The following IL1RAPL1 variants were observed in gnomAD, a reference collection of about 807,000 sequenced individuals.
The protein encoded by IL1RAPL1 is interleukin 1 receptor accessory protein like 1.
In IL1RAPL1, 3 loss-of-function variants were observed where a neutral mutation model predicts 48.4. The ratio of observed to expected loss-of-function variants is 0.06; its 90% CI spans 0.03 to 0.16. IL1RAPL1 has a LOEUF of 0.16. Ranked by LOEUF, IL1RAPL1 falls within the 10% of genes least tolerant of loss-of-function variation. The pLI is 1.00. For missense variants in IL1RAPL1, 349 were observed against 530.6 expected, an observed-to-expected ratio of 0.66 and a Z score of 3.36; for synonymous variants, 185 against 187.7, an observed-to-expected ratio of 0.99 and a Z score of 0.12.
intron 6 of IL1RAPL1, among the ~76,000 whole-genome samples, chrX:29,797,241 G>T (rs1464609616): frequency 8.9e-6 from 1 of 112,354 alleles, no homozygotes; most frequent in Non-Finnish European, 1.9e-5. Flanking sequence ...CATGGCAGGA[G>T]CCCAATGTGT....
intron 1 of IL1RAPL1, among the ~76,000 whole-genome samples, chrX:28,621,280 T>C (rs1418092891): frequency 8.9e-6 from 1 of 112,501 alleles, no homozygotes; most frequent in Admixed American, 9.5e-5. Context: ...ACAGGCTACA[T>C]AGATAATTGC....
chrX:29,835,869 T>G (rs1930982932), intron 6 of IL1RAPL1, among the ~76,000 whole-genome samples: 1 of 102,740 alleles, frequency 9.7e-6, no homozygotes, highest in Non-Finnish European at 1.9e-5. Flanking sequence ...TGATTTTATT[T>G]GAGTCTTCTT....
intron 2 of IL1RAPL1, among the ~76,000 whole-genome samples, chrX:29,057,364 G>A (rs1431482741): frequency 9.0e-6 from 1 of 111,198 alleles, no homozygotes; most frequent in African/African-American, 3.3e-5. Flanking sequence ...TTAACCCAGA[G>A]TCTTGGGAGT....
At chrX:29,868,211 T>C (rs1431690775) in intron 6 of IL1RAPL1, among the ~76,000 whole-genome samples, 1 of 112,417 alleles carries the variant, frequency 8.9e-6, no homozygotes, top group Non-Finnish European at 1.9e-5. Flanking sequence ...GGAAGTTTAA[T>C]TTTCATCTTA....
chrX:29,236,078 G>C (rs753366390), intron 2 of IL1RAPL1, among the ~76,000 whole-genome samples: 3 of 112,454 alleles, frequency 2.7e-5, no homozygotes, highest in Non-Finnish European at 3.8e-5. Flanking sequence ...CAATTTTATA[G>C]AGAATACAGT....
At chrX:28,637,204 T>A (rs1002351109) in intron 1 of IL1RAPL1, among the ~76,000 whole-genome samples, 4 of 111,322 alleles carry the variant, frequency 3.6e-5, no homozygotes, top group Non-Finnish European at 7.5e-5. Flanking sequence ...CTGGTGTCTT[T>A]CATTTCTTAT....
chrX:29,348,965 C>T (rs1269030845), intron 3 of IL1RAPL1, among the ~76,000 whole-genome samples: 1 of 111,777 alleles, frequency 8.9e-6, no homozygotes, highest in Non-Finnish European at 1.9e-5. Context: ...AAACCCGTGG[C>T]CCCCTGGAGG....
At chrX:29,405,021 C>T (rs1007114439) in intron 5 of IL1RAPL1, among the ~76,000 whole-genome samples, 6 of 110,187 alleles carry the variant, frequency 5.4e-5, no homozygotes, top group African/African-American at 2.0e-4. Context: ...TCAAGTAATT[C>T]TCCTGCCTCA....
At chrX:29,158,884 CTCTT>C (rs1165088233) in intron 2 of IL1RAPL1, among the ~76,000 whole-genome samples, 4 of 98,515 alleles carry the variant, frequency 4.1e-5, no homozygotes, top group Non-Finnish European at 7.9e-5. Flanking sequence ...GATAAACAAC[CTCTT>C]TCTTTTCTTT....
chrX:29,512,108 T>G (rs1018014139), intron 5 of IL1RAPL1, among the ~76,000 whole-genome samples: 13 of 110,412 alleles, frequency 1.2e-4, no homozygotes, highest in African/African-American at 4.0e-4. Context: ...ATATATATAA[T>G]CTCTCTTTCT....
At chrX:29,743,146 T>G (rs909084342) in intron 6 of IL1RAPL1, among the ~76,000 whole-genome samples, 19 of 108,436 alleles carry the variant, frequency 1.8e-4, no homozygotes, top group Non-Finnish European at 3.2e-4. Context: ...TATTTACAAA[T>G]TATATATTAA....
At chrX:29,243,756 T>G (rs1931462819) in intron 2 of IL1RAPL1, among the ~76,000 whole-genome samples, 1 of 111,878 alleles carries the variant, frequency 8.9e-6, no homozygotes, top group Non-Finnish European at 1.9e-5. Context: ...CTACCTAGGA[T>G]CTGGAGCCTT....
Position 29,955,205 on chromosome X carries a change from G to A in IL1RAPL1, c.1476G>A (p.Leu492=). ...GAAGGGGCTGGAGCATCTTTGAGCT[G>A]GAAACCAGACTTCGAAATATGCTTG... ...VVRRGWSIFE[L]ETRLRNMLVT... Residue 492 remains leucine (L), a synonymous_variant, in exon 11 of 11, where the codon CTG becomes CTA. Transcript: ENST00000378993. 8.3e-7 allele frequency: 1 copy of A among 1,210,893 alleles called. No homozygotes were observed. The highest frequency in any genetic ancestry group is 1.1e-6 in the Non-Finnish European group (1 of 894,895).
chrX:29,538,597 C>A (rs1383962998), intron 5 of IL1RAPL1, among the ~76,000 whole-genome samples: 1 of 107,840 alleles, frequency 9.3e-6, no homozygotes, highest in Non-Finnish European at 1.9e-5. Flanking sequence ...CTCGGCCTCC[C>A]AAAGTGCTAG....
intron 5 of IL1RAPL1, among the ~76,000 whole-genome samples, chrX:29,599,738 T>C (rs184619484): frequency 7.7e-4 from 86 of 112,286 alleles, no homozygotes; most frequent in African/African-American, 2.8e-3. Context: ...TCTTTGTCTT[T>C]GATGGATTGG....
chrX:29,708,267 A>G (rs939563889), intron 6 of IL1RAPL1, among the ~76,000 whole-genome samples: 3 of 111,700 alleles, frequency 2.7e-5, no homozygotes, highest in Admixed American at 1.9e-4. Context: ...AACATTAAAA[A>G]TCTATTCCGT....
intron 2 of IL1RAPL1, among the ~76,000 whole-genome samples, chrX:28,933,248 C>T (rs1318174114): frequency 9.0e-6 from 1 of 111,054 alleles, no homozygotes; most frequent in Non-Finnish European, 1.9e-5. Flanking sequence ...CCCCTCAATC[C>T]GTGGGTAGAC....
chrX:28,739,336 T>C (rs1935881422), intron 1 of IL1RAPL1, among the ~76,000 whole-genome samples: 2 of 110,620 alleles, frequency 1.8e-5, no homozygotes, highest in Non-Finnish European at 3.8e-5. Flanking sequence ...TGCTTTACTC[T>C]TTTGATGTCT....
intron 2 of IL1RAPL1, among the ~76,000 whole-genome samples, chrX:29,044,266 A>C (rs1363929874): frequency 5.5e-5 from 6 of 109,957 alleles, no homozygotes. Context: ...ACCCACCTCT[A>C]CTAAAAATAC....
Sources: gnomAD v4.1 joint callset for allele counts (sites outside exome capture counted in the v4.1 genomes callset) on GRCh38, gnomAD v4.1.1 for gene constraint, MANE v1.5 for transcripts, NCBI Gene and HGNC (gene_info 2026-07-23, HGNC 2026-07-21) for gene names.